NEDD4: variants seen among roughly 807,000 people sequenced by gnomAD.
NEDD4 encodes the protein NEDD4 E3 ubiquitin protein ligase, also known as E3 ubiquitin-protein ligase NEDD4.
A neutral mutation model predicts 144.9 loss-of-function variants in NEDD4; 99 were observed. That is an observed-to-expected ratio of 0.68 (90% CI 0.58 to 0.81). The LOEUF (loss-of-function observed/expected upper bound fraction) is 0.81. Ranked by LOEUF, NEDD4 falls within the 30% of genes least tolerant of loss-of-function variation. NEDD4 has a pLI of 0.00. For missense variants in NEDD4, 985 were observed against 1,065.9 expected (o/e 0.92, Z 1.06); for synonymous variants, 318 against 350.6 (o/e 0.91, Z 1.04).
chr15:55,830,616 T>C (rs773799857), intron 27 of NEDD4, 30 bp from the exon 28 acceptor site: 3 of 1,594,982 alleles, frequency 1.9e-6, no homozygotes, highest in Non-Finnish European at 2.6e-6. Context: ...TGGTTTCATT[T>C]ACTCTCTACA....
At chr15:55,978,612 C>A (rs921605981) in intron 1 of NEDD4, among the ~76,000 whole-genome samples, 30 of 152,246 alleles carry the variant, frequency 2.0e-4, no homozygotes, top group African/African-American at 7.0e-4. Flanking sequence ...AGTTAAACAC[C>A]TTTTCCGTAA....
At chr15:55,932,244 C>T (rs1460242595) in intron 4 of NEDD4, among the ~76,000 whole-genome samples, 11 of 152,154 alleles carry the variant, frequency 7.2e-5, no homozygotes, top group Admixed American at 5.9e-4. Context: ...AAGCTGGAGG[C>T]ATCATGCTAC....
chr15:55,931,633 G>T (rs1478330833), intron 4 of NEDD4, among the ~76,000 whole-genome samples: 1 of 152,088 alleles, frequency 6.6e-6, no homozygotes, highest in East Asian at 1.9e-4. Context: ...TTTCCAAAAA[G>T]AACAAAGGTG....
At chr15:55,895,714 A>G (rs755958857) in intron 5 of NEDD4, among the ~76,000 whole-genome samples, 41 of 152,240 alleles carry the variant, frequency 2.7e-4, no homozygotes, top group Non-Finnish European at 5.1e-4. Flanking sequence ...TCTGGCCAGC[A>G]ATACACCTTG....
chr15:55,990,445 C>A (rs2037970962), intron 1 of NEDD4, among the ~76,000 whole-genome samples: 1 of 152,136 alleles, frequency 6.6e-6, no homozygotes, highest in African/African-American at 2.4e-5. Flanking sequence ...TATAATCAAT[C>A]TTGACGTCTG....
Position 55,829,329 on chromosome 15 carries a change from T to G in NEDD4, c.*568A>C, listed in dbSNP as rs1238083954. ...AATATAGGTAACACACTTTCCAAAGTTTTTTCCCAAAAATCTAGGCAGTAA... is the reference window on the plus strand; with the variant it reads ...AATATAGGTAACACACTTTCCAAAGGTTTTTCCCAAAAATCTAGGCAGTAA... On this transcript the variant is annotated 3_prime_UTR_variant, in exon 29 of 29. Transcript: ENST00000435532. 6.6e-6 allele frequency: 1 copy of G among 152,332 alleles called. No homozygotes were observed. The highest frequency in any genetic ancestry group is 6.5e-5 in the Admixed American group (1 of 15,272). 9.4% of individuals were successfully genotyped at this position (152,332 alleles called of 1,614,324 possible).
intron 4 of NEDD4, among the ~76,000 whole-genome samples, chr15:55,940,917 T>A (rs1179823107): frequency 6.6e-6 from 1 of 152,190 alleles, no homozygotes; most frequent in Non-Finnish European, 1.5e-5. Flanking sequence ...AAAAATAAAT[T>A]ATAACATTAA....
chr15:55,850,855 A>T, intron 13 of NEDD4, 113 bp from the exon 14 acceptor site: 1 of 845,526 alleles, frequency 1.2e-6, no homozygotes. Flanking sequence ...CATTAAAGAG[A>T]CTCTAAATAT....
At chr15:55,881,210 C>T (rs563187232) in intron 5 of NEDD4, among the ~76,000 whole-genome samples, 47 of 149,800 alleles carry the variant, frequency 3.1e-4, no homozygotes, top group African/African-American at 8.4e-4. Context: ...GGCGTGATCT[C>T]GGCTCACTGC....
In NEDD4 at chr15:55,828,488, C is replaced by T. The variant is rs2141947664; in HGVS notation, c.*1409G>A. The T allele has an allele frequency of 6.6e-6, 1 of 152,240 alleles. No homozygotes were observed. The highest frequency in any genetic ancestry group is 2.4e-5 in the African/African-American group (1 of 41,532). 9.4% of individuals were successfully genotyped at this position (152,240 alleles called of 1,614,324 possible). A position where few individuals can be genotyped will look rare whatever the true frequency, so the allele number is the denominator to read the frequency against. On this transcript the variant is annotated 3_prime_UTR_variant, in exon 29 of 29. Transcript: ENST00000435532. ...CTTTATCTTTGCAGGTGTGCTGGAA[C>T]CTAGAACACTTTCCCTTTTGCCTTA...
intron 24 of NEDD4, among the ~76,000 whole-genome samples, 174 bp from the exon 25 acceptor site, chr15:55,834,460 T>A (rs1226294862): frequency 2.0e-5 from 3 of 152,178 alleles, no homozygotes; most frequent in African/African-American, 7.2e-5. Flanking sequence ...ATGTGCACAG[T>A]CTGTTCTCTC....
In NEDD4 at chr15:55,872,431, C is replaced by T. The variant is rs775677768; in HGVS notation, c.388G>A (p.Val130Ile). The change falls in exon 7 of 29, where the codon GTT becomes ATT. Residue 130 changes from valine to isoleucine, a missense_variant. Transcript: ENST00000435532. Reference protein sequence around the residue: ...LERPYTFKDFVLHPRSHKSRV... With the variant: ...LERPYTFKDFILHPRSHKSRV... ...TTTACTGACCTTCTTGGATGAAGAACAAAATCCTTAAATGTATATGGTCTC... is the reference window on the plus strand; with the variant it reads ...TTTACTGACCTTCTTGGATGAAGAATAAAATCCTTAAATGTATATGGTCTC... 8 of 1,468,162 alleles carry T rather than the reference C, an allele frequency of 5.4e-6. No individual in the cohort carries two copies. The South Asian group carries it at 1.1e-4, about 20-fold the overall frequency. 90.9% of individuals were successfully genotyped at this position (1,468,162 alleles called of 1,614,324 possible).
intron 9 of NEDD4, among the ~76,000 whole-genome samples, 195 bp from the exon 10 acceptor site, chr15:55,860,973 G>A (rs534410706): frequency 9.8e-5 from 15 of 152,302 alleles, no homozygotes; most frequent in African/African-American, 2.6e-4. Flanking sequence ...ACCTTACGGA[G>A]TTTAAGGTTT....
At chr15:55,916,896 G>C in intron 5 of NEDD4, 5 of 1,523,974 alleles carry the variant, frequency 3.3e-6, no homozygotes, top group Non-Finnish European at 4.4e-6. Flanking sequence ...CCGTAGACAG[G>C]CTAGAAGCAG....
chr15:55,831,560 G>A (rs1383795367), intron 27 of NEDD4, among the ~76,000 whole-genome samples: 2 of 152,142 alleles, frequency 1.3e-5, no homozygotes. Context: ...AAAGAAAGAG[G>A]CTATCAAGTC....
intron 5 of NEDD4, 197 bp downstream of exon 5, chr15:55,924,449 T>C (rs886805981): frequency 2.0e-5 from 11 of 556,882 alleles, no homozygotes; most frequent in Non-Finnish European, 3.5e-5. Flanking sequence ...GAAGAGGTGC[T>C]TGGGAGGAGA....
At chr15:55,858,885 G>A (rs1234881613) in intron 11 of NEDD4, among the ~76,000 whole-genome samples, 4 of 152,164 alleles carry the variant, frequency 2.6e-5, no homozygotes, top group Admixed American at 6.5e-5. Context: ...AGATGATGTC[G>A]TGTGAAAGCA....
At chr15:55,937,884 A>G (rs188215678) in intron 4 of NEDD4, among the ~76,000 whole-genome samples, 1 of 152,382 alleles carries the variant, frequency 6.6e-6, no homozygotes, top group African/African-American at 2.4e-5. Flanking sequence ...ACAAAGCTAG[A>G]GGCATAATAG....
chr15:55,965,436 A>C (rs1401969107), intron 2 of NEDD4, among the ~76,000 whole-genome samples: 1 of 151,744 alleles, frequency 6.6e-6, no homozygotes, highest in Non-Finnish European at 1.5e-5. Flanking sequence ...TCCTGAGCTC[A>C]AGCAACCTGT....
Sources: gnomAD v4.1 joint callset for allele counts (sites outside exome capture counted in the v4.1 genomes callset) on GRCh38, gnomAD v4.1.1 for gene constraint, MANE v1.5 for transcripts, NCBI Gene and HGNC (gene_info 2026-07-23, HGNC 2026-07-21) for gene names.